The following RPS28 variants were observed in gnomAD, a reference collection of about 807,000 sequenced individuals.
RPS28 encodes small ribosomal subunit protein eS28.
A neutral mutation model predicts 9.4 loss-of-function variants in RPS28; 2 were observed. The observed-to-expected ratio is 0.21, with a 90% CI of 0.09 to 0.67. RPS28 has a LOEUF of 0.67. Among genes scored for constraint, RPS28 ranks in the 30% least tolerant of loss-of-function variants. RPS28 has a pLI of 0.82. For synonymous variants in RPS28, 41 were observed against 37.8 expected (o/e 1.08, Z -0.31); for missense variants, 35 against 95.3 (o/e 0.37, Z 2.63).
chr19:8,322,968 G>T lies in RPS28; in HGVS notation c.*713G>T. On this transcript the variant is annotated 3_prime_UTR_variant, in exon 4 of 4. Coordinates refer to ENST00000600659, the MANE Select transcript of RPS28 (RefSeq NM_001031.5). ...GGGGGCCTGCTGCAATCTCCTTGAG[G>T]CAGGAAACGTGGGATTCAGCCCCAG... 3 of 1,118,242 alleles carry T rather than the reference G, an allele frequency of 2.7e-6. No homozygotes were observed. Among genetic ancestry groups the T allele is most frequent in the Non-Finnish European group, 3.8e-6 (3 of 795,772 alleles). The allele number at this position is 1,118,242 out of a possible 1,614,324, so 69.3% of individuals were successfully genotyped here. A position where few individuals can be genotyped will look rare whatever the true frequency, so the allele number is the denominator to read the frequency against.
chr19:8,321,973 C>A lies in RPS28; in HGVS notation c.108C>A (p.Asp36Glu), dbSNP rs761005487. Residue 36 changes from aspartate to glutamate, a missense_variant, in exon 3 of 4, where the codon GAC becomes GAA. By Grantham distance (45) the Asp-to-Glu change is conservative. This residue lies in a region of RPS28 where 10 missense variants were observed against 62.8 expected (regional missense o/e 0.16). Transcript: ENST00000600659. ...CGTAGGTGCGCGTGGAATTCATGGACGACACGAGCCGATCCATCATCCGCA... is the reference window on the plus strand; with the variant it reads ...CGTAGGTGCGCGTGGAATTCATGGAAGACACGAGCCGATCCATCATCCGCA... ...QCTQVRVEFM[D>E]DTSRSIIRNV... The A allele has an allele frequency of 1.2e-6, 2 of 1,608,530 alleles. No individual in the cohort carries two copies. Among genetic ancestry groups the A allele is most frequent in the Non-Finnish European group, 1.7e-6 (2 of 1,178,098 alleles).
chr19:8,323,015 T>G lies in RPS28; in HGVS notation c.*760T>G. Reference sequence around the variant, plus strand: ...CCAGCCTCACTTAGTGGAGGTTCTTTTACCATGGACCCAGGCTGCCTGGTT... The same window carrying G: ...CCAGCCTCACTTAGTGGAGGTTCTTGTACCATGGACCCAGGCTGCCTGGTT... On this transcript the variant is annotated 3_prime_UTR_variant, in exon 4 of 4. Transcript: ENST00000600659. 1 of 716,544 alleles carries G rather than the reference T, an allele frequency of 1.4e-6. No individual in the cohort carries two copies. Among genetic ancestry groups the G allele is most frequent in the South Asian group, 2.1e-5 (1 of 47,862 alleles). 44.4% of individuals were successfully genotyped at this position (716,544 alleles called of 1,614,324 possible). A position where few individuals can be genotyped will look rare whatever the true frequency, so the allele number is the denominator to read the frequency against.
chr19:8,323,122 TGTTCCTCA>T lies in RPS28; in HGVS notation c.*871_*878del. On this transcript the variant is annotated 3_prime_UTR_variant, in exon 4 of 4. Transcript: ENST00000600659. ...TCCCTTCCAGTGGGGTGAGTACAGG[TGTTCCTCA>T]GTTTACAATGGGTTACATTCCGGTG... is the stretch of plus-strand genomic sequence containing the variant. 1 of 438,186 alleles carries T rather than the reference TGTTCCTCA, an allele frequency of 2.3e-6. No individual in the cohort carries two copies. The highest frequency in any genetic ancestry group is 4.1e-6 in the Non-Finnish European group (1 of 246,124). 27.1% of individuals were successfully genotyped at this position (438,186 alleles called of 1,614,324 possible). A position where few individuals can be genotyped will look rare whatever the true frequency, so the allele number is the denominator to read the frequency against.
Position 8,322,652 on chromosome 19 carries a change from C to T in RPS28, c.*397C>T. 1.7e-6 allele frequency: 1 copy of T among 599,170 alleles called. No individual in the cohort carries two copies. The highest frequency in any genetic ancestry group is 3.0e-6 in the Non-Finnish European group (1 of 336,982). 37.1% of individuals were successfully genotyped at this position (599,170 alleles called of 1,614,324 possible). A position where few individuals can be genotyped will look rare whatever the true frequency, so the allele number is the denominator to read the frequency against. On this transcript the variant is annotated 3_prime_UTR_variant, in exon 4 of 4. Coordinates refer to ENST00000600659, the MANE Select transcript of RPS28 (RefSeq NM_001031.5). ...GGATCAGGGCTCTATCACTTGGTCCCCACCTCACCTTGGTGGGGCCAGAGT... is the reference window on the plus strand; with the variant it reads ...GGATCAGGGCTCTATCACTTGGTCCTCACCTCACCTTGGTGGGGCCAGAGT...
chr19:8,321,503 T>G lies in RPS28; in HGVS notation c.-28T>G, dbSNP rs1599635425. ...CTCTCCCCGAAGCACGTGACTCCTC[T>G]CCGCCAGACCGCCGCCGCGCCGCCA... is the stretch of plus-strand genomic sequence containing the variant. On this transcript the variant is annotated 5_prime_UTR_variant, in exon 1 of 4. Coordinates refer to ENST00000600659, the MANE Select transcript of RPS28 (RefSeq NM_001031.5). 1 of 1,570,070 alleles carries G rather than the reference T, an allele frequency of 6.4e-7. No individual in the cohort carries two copies.
At position 8,322,945 on chromosome 19, in the gene RPS28, G is replaced by C; in HGVS notation, c.*690G>C. On this transcript the variant is annotated 3_prime_UTR_variant, in exon 4 of 4. Coordinates refer to ENST00000600659, the MANE Select transcript of RPS28 (RefSeq NM_001031.5). Reference sequence around the variant, plus strand: ...GCTCTGGAGAGAGGGGAAAAGAGGGGGGCCTGCTGCAATCTCCTTGAGGCA... The same window carrying C: ...GCTCTGGAGAGAGGGGAAAAGAGGGCGGCCTGCTGCAATCTCCTTGAGGCA... 1.5e-6 allele frequency: 2 copies of C among 1,336,550 alleles called. No homozygotes were observed. The highest frequency in any genetic ancestry group is 2.0e-6 in the Non-Finnish European group (2 of 984,474). 82.8% of individuals were successfully genotyped at this position (1,336,550 alleles called of 1,614,324 possible).
In RPS28 at chr19:8,322,324, T is replaced by C. The variant is rs1397032261; in HGVS notation, c.*69T>C. 3 of 662,246 alleles carry C rather than the reference T, an allele frequency of 4.5e-6. No homozygotes were observed. The highest frequency in any genetic ancestry group is 2.4e-4 in the Middle Eastern group (1 of 4,094). The allele number at this position is 662,246 out of a possible 1,614,324, so 41.0% of individuals were successfully genotyped here. A position where few individuals can be genotyped will look rare whatever the true frequency, so the allele number is the denominator to read the frequency against. On this transcript the variant is annotated 3_prime_UTR_variant, in exon 4 of 4. Coordinates refer to ENST00000600659, the MANE Select transcript of RPS28 (RefSeq NM_001031.5). Reference sequence around the variant, plus strand: ...GGCCGATGGGAATGGTCTGTCACAGTCTGCTCCTTTTTTTTGTCCGCCACA... The same window carrying C: ...GGCCGATGGGAATGGTCTGTCACAGCCTGCTCCTTTTTTTTGTCCGCCACA...
In RPS28 at chr19:8,322,691, CCA is replaced by C. The variant is rs1970339912; in HGVS notation, c.*439_*440del. 1.3e-5 allele frequency: 8 copies of C among 634,636 alleles called. No individual in the cohort carries two copies. In the South Asian group the frequency reaches 1.6e-4, roughly 12 times the overall value. The allele number at this position is 634,636 out of a possible 1,614,324, so 39.3% of individuals were successfully genotyped here. On this transcript the variant is annotated 3_prime_UTR_variant, in exon 4 of 4. Coordinates refer to ENST00000600659, the MANE Select transcript of RPS28 (RefSeq NM_001031.5). ...TGGGGCCAGAGTGAGCCCCTTCCTG[CCA>C]CAGTCACCCCAACTGAAATTGCCTT...
chr19:8,322,494 C>T lies in RPS28; in HGVS notation c.*239C>T, dbSNP rs1038431482. On this transcript the variant is annotated 3_prime_UTR_variant, in exon 4 of 4. Transcript: ENST00000600659. ...TCCTCCGCACTCTGGAAATCCTGGC[C>T]GTGCGGTCTTGCCAAACGAAGCTTT... is the stretch of plus-strand genomic sequence containing the variant. 2.4e-5 allele frequency: 12 copies of T among 502,670 alleles called. No homozygotes were observed. In the East Asian group the frequency reaches 4.9e-4, roughly 21 times the overall value. The allele number at this position is 502,670 out of a possible 1,614,324, so 31.1% of individuals were successfully genotyped here. A position where few individuals can be genotyped will look rare whatever the true frequency, so the allele number is the denominator to read the frequency against.
intron 3 of RPS28, 83 bp downstream of exon 3, chr19:8,322,174 G>A (rs1208220930): frequency 6.8e-7 from 1 of 1,468,290 alleles, no homozygotes; most frequent in East Asian, 2.3e-5. Flanking sequence ...AGAGGGTTTG[G>A]GAGGCAGAGT....
chr19:8,321,859 G>A (rs763099281), intron 2 of RPS28, 94 bp from the exon 3 acceptor site: 2 of 1,551,016 alleles, frequency 1.3e-6, no homozygotes, highest in South Asian at 1.2e-5. Flanking sequence ...TTCTGGCCCC[G>A]ACACGTTCTC....
chr19:8,321,697 C>A lies in RPS28; in HGVS notation c.81C>A (p.Cys27Ter). Residue 27 changes from cysteine (C) to a stop codon, truncating the protein, a stop_gained, in exon 2 of 4, where the codon TGC becomes TGA. Transcript: ENST00000600659. LOFTEE classifies it high-confidence loss of function. ...VLGRTGSQGQCTQVRVEFMDD... is the reference protein window; with the variant it reads ...VLGRTGSQGQ ...GCAGGACCGGTTCTCAGGGACAGTG[C>A]ACGCAGGTAATCGGGTGGGGGCATT... is the stretch of plus-strand genomic sequence containing the variant. The A allele has an allele frequency of 6.4e-7, 1 of 1,565,944 alleles. No individual in the cohort carries two copies. The highest frequency in any genetic ancestry group is 1.2e-5 in the South Asian group (1 of 83,404).
chr19:8,322,498 C>A lies in RPS28; in HGVS notation c.*243C>A. 1 of 494,710 alleles carries A rather than the reference C, an allele frequency of 2.0e-6. No homozygotes were observed. Among genetic ancestry groups the A allele is most frequent in the Non-Finnish European group, 3.8e-6 (1 of 265,744 alleles). The allele number at this position is 494,710 out of a possible 1,614,324, so 30.6% of individuals were successfully genotyped here. On this transcript the variant is annotated 3_prime_UTR_variant, in exon 4 of 4. Coordinates refer to ENST00000600659, the MANE Select transcript of RPS28 (RefSeq NM_001031.5). Reference sequence around the variant, plus strand: ...CCGCACTCTGGAAATCCTGGCCGTGCGGTCTTGCCAAACGAAGCTTTTCCT... The same window carrying A: ...CCGCACTCTGGAAATCCTGGCCGTGAGGTCTTGCCAAACGAAGCTTTTCCT...
intron 2 of RPS28, 37 bp from the exon 3 acceptor site, chr19:8,321,916 C>T (rs779670706): frequency 6.2e-7 from 1 of 1,610,040 alleles, no homozygotes; most frequent in East Asian, 2.2e-5. Flanking sequence ...CCGCGGCCCG[C>T]CCTTACTTCT....
intron 2 of RPS28, 25 bp from the exon 3 acceptor site, chr19:8,321,928 C>T (rs374846818): frequency 2.3e-4 from 378 of 1,611,158 alleles, no homozygotes; most frequent in Non-Finnish European, 2.9e-4. Flanking sequence ...CTTACTTCTT[C>T]CTCCACTCCG....
rs377064503 is a variant in RPS28 at position 8,322,795 on chromosome 19, G to C, written c.*540G>C. 3.5e-6 allele frequency: 5 copies of C among 1,436,920 alleles called. No homozygotes were observed. In the East Asian group the frequency reaches 1.1e-4, roughly 33 times the overall value. 89.0% of individuals were successfully genotyped at this position (1,436,920 alleles called of 1,614,324 possible). A position where few individuals can be genotyped will look rare whatever the true frequency, so the allele number is the denominator to read the frequency against. On this transcript the variant is annotated 3_prime_UTR_variant, in exon 4 of 4. Transcript: ENST00000600659. Reference sequence around the variant, plus strand: ...CGCCAAAGGCTGAGGTGACTGACGAGGAGATCTCCCCACAGCTAGGTGTAG... The same window carrying C: ...CGCCAAAGGCTGAGGTGACTGACGACGAGATCTCCCCACAGCTAGGTGTAG...
In RPS28 at chr19:8,321,551, G is replaced by A. The variant is rs780709514; in HGVS notation, c.21G>A (p.Gln7=). 6.3e-6 allele frequency: 10 copies of A among 1,587,084 alleles called. No individual in the cohort carries two copies. The Admixed American group carries it at 1.4e-4, about 23-fold the overall frequency. The change falls in exon 1 of 4, where the codon CAG becomes CAA. Residue 7 remains glutamine (Q), a synonymous_variant. Coordinates refer to ENST00000600659, the MANE Select transcript of RPS28 (RefSeq NM_001031.5). MDTSRV[Q]PIKLARVTKV... ...CCATCATGGACACCAGCCGTGTGCAGCCTATCAAGCTGGCCAGGGTGAGGT... is the reference window on the plus strand; with the variant it reads ...CCATCATGGACACCAGCCGTGTGCAACCTATCAAGCTGGCCAGGGTGAGGT...
chr19:8,322,756 T>C lies in RPS28; in HGVS notation c.*501T>C. On this transcript the variant is annotated 3_prime_UTR_variant, in exon 4 of 4. Coordinates refer to ENST00000600659, the MANE Select transcript of RPS28 (RefSeq NM_001031.5). ...GTGTTAGCCTCTGAGCAGGGGACCC[T>C]GGACCCTTCTGTGCGCCAAAGGCTG... is the stretch of plus-strand genomic sequence containing the variant. 1 of 1,061,306 alleles carries C rather than the reference T, an allele frequency of 9.4e-7. No homozygotes were observed. The highest frequency in any genetic ancestry group is 1.4e-6 in the Non-Finnish European group (1 of 705,838). The allele number at this position is 1,061,306 out of a possible 1,614,324, so 65.7% of individuals were successfully genotyped here.
rs185129733 is a variant in RPS28 at position 8,322,308 on chromosome 19, G to A, written c.*53G>A. ...TCGGGTTCGACCACTTGGCCGATGG[G>A]AATGGTCTGTCACAGTCTGCTCCTT... On this transcript the variant is annotated 3_prime_UTR_variant, in exon 4 of 4. Transcript: ENST00000600659. 38 of 683,726 alleles carry A rather than the reference G, an allele frequency of 5.6e-5. No individual in the cohort carries two copies. The East Asian group carries it at 9.4e-4, about 17-fold the overall frequency. 42.4% of individuals were successfully genotyped at this position (683,726 alleles called of 1,614,324 possible).
Sources: gnomAD v4.1 joint callset for allele counts on GRCh38, gnomAD v4.1.1 for gene constraint, gnomAD v4.1.1 regional missense constraint, MANE v1.5 for transcripts, NCBI Gene and HGNC (gene_info 2026-07-23, HGNC 2026-07-21) for gene names.